Variants in PKP1 observed in about 807,000 individuals in gnomAD.
PKP1 encodes the protein plakophilin 1.
A neutral mutation model predicts 76.4 loss-of-function variants in PKP1; 27 were observed. The observed-to-expected ratio is 0.35, with a 90% CI of 0.26 to 0.49. The LOEUF (loss-of-function observed/expected upper bound fraction) is 0.49. Among genes scored for constraint, PKP1 ranks in the 20% least tolerant of loss-of-function variants. The pLI is 0.99. For synonymous variants in PKP1, 404 were observed against 384.2 expected, an observed-to-expected ratio of 1.05 and a Z score of -0.60; for missense variants, 964 against 955.2, an observed-to-expected ratio of 1.01 and a Z score of -0.12.
In PKP1 at chr1:201,294,063, T is replaced by C. The variant is rs1363602907; in HGVS notation, c.306+18T>C. 6.6e-7 allele frequency: 1 copy of C among 1,524,728 alleles called. No individual in the cohort carries two copies. The highest frequency in any genetic ancestry group is 2.3e-5 in the East Asian group (1 of 44,404). The allele number at this position is 1,524,728 out of a possible 1,614,324, so 94.4% of individuals were successfully genotyped here. On this transcript the variant is annotated intron_variant, in intron 2 of 13. Transcript: ENST00000367324. ...GATATCCGGTAAGGAACTGCTTCCA[T>C]CCTAAAAGACCTGGAGTACTTGTGG...
In PKP1 at chr1:201,313,214, T is replaced by C; in HGVS notation, c.355T>C (p.Ser119Pro). The change falls in exon 3 of 14, where the codon TCC (serine) becomes CCC (proline). Residue 119 changes from serine to proline, a missense_variant. Coordinates refer to ENST00000367324, the MANE Select transcript of PKP1 (RefSeq NM_001005337.3). ...GGAGCCTGACAACAGGCGCTTCAGCTCCTACAGCCAGATGGAGAACTGGAG... is the reference window on the plus strand; with the variant it reads ...GGAGCCTGACAACAGGCGCTTCAGCCCCTACAGCCAGATGGAGAACTGGAG... ...KREPDNRRFSSYSQMENWSRH... is the reference protein window; with the variant it reads ...KREPDNRRFSPYSQMENWSRH... 2 of 1,605,940 alleles carry C rather than the reference T, an allele frequency of 1.2e-6. No homozygotes were observed. The highest frequency in any genetic ancestry group is 2.2e-5 in the East Asian group (1 of 44,670).
chr1:201,299,363 A>G (rs544163067), intron 2 of PKP1, among the ~76,000 whole-genome samples: 157 of 152,342 alleles, frequency 1.0e-3, no homozygotes, highest in Non-Finnish European at 1.7e-3. Context: ...TGGATGTGAC[A>G]TACCAGATCA....
At chr1:201,311,702 A>G (rs566668423) in intron 2 of PKP1, among the ~76,000 whole-genome samples, 77 of 140,888 alleles carry the variant, frequency 5.5e-4, no homozygotes, top group African/African-American at 1.7e-3. Context: ...TCTCTCTCTC[A>G]GGGAGGGGCA....
At chr1:201,297,983 T>G (rs574366855) in intron 2 of PKP1, among the ~76,000 whole-genome samples, 1 of 152,382 alleles carries the variant, frequency 6.6e-6, no homozygotes, top group South Asian at 2.1e-4. Context: ...AATTATTTGC[T>G]GTTTATGTAA....
At chr1:201,324,078 C>T (rs1457749000) in intron 9 of PKP1, among the ~76,000 whole-genome samples, 2 of 152,064 alleles carry the variant, frequency 1.3e-5, no homozygotes, top group South Asian at 2.1e-4. Flanking sequence ...GGGCAGATAG[C>T]GTGGGGAGAT....
At position 201,298,982 on chromosome 1, in the gene PKP1, G is replaced by T. The variant is rs569497210; in HGVS notation, c.306+4937G>T. ...AGGGGATGGGAAAGCCAAGCACAGT[G>T]CTCCCCAGGTTGGTGGTTCACCCTC... On this transcript the variant is annotated intron_variant, in intron 2 of 13. Coordinates refer to ENST00000367324, the MANE Select transcript of PKP1 (RefSeq NM_001005337.3). 2.0e-5 allele frequency among the ~76,000 whole-genome samples: 3 copies of T among 152,318 alleles called. No individual in the cohort carries two copies. In the South Asian group the frequency reaches 6.2e-4, roughly 32 times the overall value.
At position 201,324,969 on chromosome 1, in the gene PKP1, G is replaced by A. The variant is rs749222532; in HGVS notation, c.1863G>A (p.Arg621=). 6.2e-7 allele frequency: 1 copy of A among 1,613,686 alleles called. No individual in the cohort carries two copies. Among genetic ancestry groups the A allele is most frequent in the Non-Finnish European group, 8.5e-7 (1 of 1,179,980 alleles). The change falls in exon 11 of 14, where the codon AGG becomes AGA. Residue 621 remains arginine, a synonymous_variant. Transcript: ENST00000367324. ...MGNQVFPEVT[R]LLTSHTGNTS... The stretch of plus-strand genomic sequence containing the variant: ...ACCAGGTGTTCCCGGAGGTGACCAG[G>A]CTCCTCACCAGCCACACTGGCAATA...
intron 2 of PKP1, among the ~76,000 whole-genome samples, chr1:201,310,420 T>C (rs1432583912): frequency 6.6e-6 from 1 of 152,236 alleles, no homozygotes; most frequent in Non-Finnish European, 1.5e-5. Context: ...TCTGTGTTCT[T>C]GACCTTGGGT....
intron 7 of PKP1, among the ~76,000 whole-genome samples, chr1:201,320,803 C>T (rs1626760): frequency 0.8 from 122,042 of 152,120 alleles, 50,925 homozygotes; most frequent in East Asian, 0.99. Flanking sequence ...CCTGTGACCC[C>T]GAGCCCTGCC....
At position 201,318,612 on chromosome 1, in the gene PKP1, C is replaced by T. The variant is rs762256488; in HGVS notation, c.1055-6C>T. 6.2e-7 allele frequency: 1 copy of T among 1,611,950 alleles called. No homozygotes were observed. Among genetic ancestry groups the T allele is most frequent in the Non-Finnish European group, 8.5e-7 (1 of 1,179,792 alleles). ...ACAAATTGGGTTGATGGTCTCTGAC[C>T]CCCAGGGCTGCTCTGGAACCTGTCT... On this transcript the variant is annotated splice_region_variant and splice_polypyrimidine_tract_variant and intron_variant, in intron 5 of 13. Transcript: ENST00000367324.
intron 2 of PKP1, among the ~76,000 whole-genome samples, chr1:201,295,337 G>A (rs570064186): frequency 6.6e-6 from 1 of 152,294 alleles, no homozygotes; most frequent in Admixed American, 6.5e-5. Flanking sequence ...CAATTAACTA[G>A]ATTTGCTGTG....
At position 201,294,033 on chromosome 1, in the gene PKP1, A is replaced by G. The variant is rs111264274; in HGVS notation, c.294A>G (p.Ser98=). Reference sequence around the variant, plus strand: ...CCAAGTTCCAGGCAGGGAATGGCTCATGGGGATATCCGGTAAGGAACTGCT... The same window carrying G: ...CCAAGTTCCAGGCAGGGAATGGCTCGTGGGGATATCCGGTAAGGAACTGCT... ...YYSKFQAGNG[S]WGYPIYNGTL... is the part of the protein sequence containing the mutation. The change falls in exon 2 of 14, where the codon TCA becomes TCG. Residue 98 remains serine, a synonymous_variant. Coordinates refer to ENST00000367324, the MANE Select transcript of PKP1 (RefSeq NM_001005337.3). 890 of 1,606,370 alleles carry G rather than the reference A, an allele frequency of 5.5e-4. 8 individuals are homozygous for G. The African/African-American group carries it at 7.9e-3, about 14-fold the overall frequency.
At chr1:201,300,714 G>A (rs1656203825) in intron 2 of PKP1, among the ~76,000 whole-genome samples, 1 of 152,222 alleles carries the variant, frequency 6.6e-6, no homozygotes, top group Non-Finnish European at 1.5e-5. Context: ...GGGGAGAGAA[G>A]TCAGAGAATG....
At chr1:201,308,563 G>T (rs9287109) in intron 2 of PKP1, among the ~76,000 whole-genome samples, 21,125 of 152,156 alleles carry the variant, frequency 0.14, 1,916 homozygotes, top group African/African-American at 0.26. Flanking sequence ...GATGACAGGT[G>T]GAGAAGAGGC....
At position 201,328,775 on chromosome 1, in the gene PKP1, G is replaced by C. The variant is rs537966263; in HGVS notation, c.2120G>C (p.Arg707Thr). ...QGVLRQQGFD[R>T]NMLGTLAGAN... ...CTCCCTTTGCAGCAAGGTTTCGATA[G>C]GAACATGCTGGGAACCTTAGCTGGG... is the stretch of plus-strand genomic sequence containing the variant. Residue 707 changes from arginine to threonine, a missense_variant, in exon 13 of 14, where the codon AGG becomes ACG. Arg to Thr is a moderately conservative substitution (Grantham distance 71). Transcript: ENST00000367324. 1.2e-6 allele frequency: 2 copies of C among 1,614,168 alleles called. No individual in the cohort carries two copies. Among genetic ancestry groups the C allele is most frequent in the African/African-American group, 2.7e-5 (2 of 75,060 alleles).
At chr1:201,313,049 T>C (rs562696352) in intron 2 of PKP1, 117 bp from the exon 3 acceptor site, 2 of 1,097,112 alleles carry the variant, frequency 1.8e-6, no homozygotes, top group Non-Finnish European at 2.7e-6. Flanking sequence ...CGCCAAACAT[T>C]CTGGGATTCT....
At chr1:201,285,396 G>A (rs928367662) in intron 1 of PKP1, among the ~76,000 whole-genome samples, 2 of 152,054 alleles carry the variant, frequency 1.3e-5, no homozygotes, top group Non-Finnish European at 2.9e-5. Context: ...AGACCTAAAG[G>A]CCTTTGCTTC....
At position 201,319,832 on chromosome 1, in the gene PKP1, C is replaced by T. The variant is rs1367004080; in HGVS notation, c.1233-435C>T. 25 of 1,613,782 alleles carry T rather than the reference C, an allele frequency of 1.5e-5. No homozygotes were observed. The highest frequency in any genetic ancestry group is 1.6e-4 in the Middle Eastern group (1 of 6,082). On this transcript the variant is annotated intron_variant, in intron 6 of 13. Transcript: ENST00000367324. Reference sequence around the variant, plus strand: ...GTCCCACAGAAAGAGACTGGGCATGCGGGAGCTTCTGGCTCTTGTTCCGCA... The same window carrying T: ...GTCCCACAGAAAGAGACTGGGCATGTGGGAGCTTCTGGCTCTTGTTCCGCA...
Position 201,320,346 on chromosome 1 carries a change from C to T in PKP1, c.1312C>T (p.Gln438Ter). The change falls in exon 7 of 14, where the codon CAG becomes TAG. Residue 438 changes from glutamine (Q) to a stop codon, truncating the protein, a stop_gained. Coordinates refer to ENST00000367324, the MANE Select transcript of PKP1 (RefSeq NM_001005337.3). LOFTEE classifies it high-confidence loss of function. ...CATTGATTCCCTCATGGCCTATGTC[C>T]AGAACTGTGTAGCGGCCAGCCGCTG... The part of the protein sequence containing the change: ...GLIDSLMAYV[Q>*]NCVAASRCDD... The T allele has an allele frequency of 6.2e-7, 1 of 1,613,888 alleles. No homozygotes were observed. Among genetic ancestry groups the T allele is most frequent in the African/African-American group, 1.3e-5 (1 of 75,056 alleles).
Sources: gnomAD v4.1 joint callset for allele counts (sites outside exome capture counted in the v4.1 genomes callset) on GRCh38, gnomAD v4.1.1 for gene constraint, MANE v1.5 for transcripts, NCBI Gene and HGNC (gene_info 2026-07-23, HGNC 2026-07-21) for gene names.